The following DIMT1 variants were observed in gnomAD, a reference collection of about 807,000 sequenced individuals.
The protein encoded by DIMT1 is dimethyladenosine transferase.
DIMT1 carries 36 observed loss-of-function variants against 43.2 expected under a neutral mutation model. The ratio of observed to expected loss-of-function variants is 0.83; its 90% CI spans 0.64 to 1.10. The LOEUF is 1.10. DIMT1 is among the 50% of genes least tolerant of loss of function. DIMT1 has a pLI of 0.00. For synonymous variants in DIMT1, 126 were observed against 130.3 expected, an observed-to-expected ratio of 0.97 and a Z score of 0.22; for missense variants, 341 against 385.3, an observed-to-expected ratio of 0.88 and a Z score of 0.96.
chr5:62,389,127 A>G (rs1742173460), intron 11 of DIMT1, 75 bp from the exon 12 acceptor site: 15 of 1,233,120 alleles, frequency 1.2e-5, no homozygotes, highest in African/African-American at 1.5e-5. Flanking sequence ...GTTCTATACC[A>G]TTAATACTAA....
At chr5:62,403,167 T>C (rs1735762077) in intron 2 of DIMT1, 106 bp downstream of exon 2, 1 of 974,382 alleles carries the variant, frequency 1.0e-6, no homozygotes, top group Admixed American at 1.9e-5. Context: ...TCAACAAATA[T>C]TTACAGAGCA....
intron 3 of DIMT1, among the ~76,000 whole-genome samples, chr5:62,399,418 A>T (rs1742615362): frequency 6.6e-6 from 1 of 152,024 alleles, no homozygotes; most frequent in Admixed American, 6.6e-5. Context: ...GTGAGTCGAG[A>T]TCGCACCATT....
At chr5:62,394,118 T>C in intron 7 of DIMT1, 71 bp from the exon 8 acceptor site, 1 of 1,363,280 alleles carries the variant, frequency 7.3e-7, no homozygotes, top group Non-Finnish European at 1.0e-6. Flanking sequence ...TATGCTATCC[T>C]CACAGAAGGC....
chr5:62,389,962 A>G (rs1395252554), intron 11 of DIMT1, among the ~76,000 whole-genome samples: 1 of 152,226 alleles, frequency 6.6e-6, no homozygotes, highest in Non-Finnish European at 1.5e-5. Flanking sequence ...CAAAGTAGAT[A>G]TTTATGAATA....
intron 10 of DIMT1, chr5:62,391,826 G>A (rs1378172674): frequency 7.0e-7 from 1 of 1,434,602 alleles, no homozygotes; most frequent in Non-Finnish European, 9.1e-7. Context: ...CAATTCAGAG[G>A]ACAGTAAACT....
At position 62,387,717 on chromosome 5, in the gene DIMT1, T is replaced by C. The variant is rs570631381; in HGVS notation, c.*1293A>G. The C allele has an allele frequency of 6.6e-6, 1 of 152,204 alleles. No individual in the cohort carries two copies. Among genetic ancestry groups the C allele is most frequent in the East Asian group, 1.9e-4 (1 of 5,180 alleles). The allele number at this position is 152,204 out of a possible 1,614,324, so 9.4% of individuals were successfully genotyped here. ...GGATAGAGATGATACAAGTGAACTCTGCAAAATAGTTTTGTGAAATTAAAC... is the reference window on the plus strand; with the variant it reads ...GGATAGAGATGATACAAGTGAACTCCGCAAAATAGTTTTGTGAAATTAAAC... On this transcript the variant is annotated 3_prime_UTR_variant, in exon 12 of 12. Coordinates refer to ENST00000199320, the MANE Select transcript of DIMT1 (RefSeq NM_014473.4).
Position 62,401,965 on chromosome 5 carries a change from T to C in DIMT1, c.240+71A>G, listed in dbSNP as rs112083714. Reference sequence around the variant, plus strand: ...AATAATAGCAATTAGTTAAAACATATTTAGATTGTAAACCAACTGAGCTTG... The same window carrying C: ...AATAATAGCAATTAGTTAAAACATACTTAGATTGTAAACCAACTGAGCTTG... On this transcript the variant is annotated intron_variant, in intron 3 of 11. Coordinates refer to ENST00000199320, the MANE Select transcript of DIMT1 (RefSeq NM_014473.4). 7.3e-4 allele frequency: 1,045 copies of C among 1,431,250 alleles called. 12 individuals carry two copies. The African/African-American group carries it at 0.013, about 17-fold the overall frequency. The allele number at this position is 1,431,250 out of a possible 1,614,324, so 88.7% of individuals were successfully genotyped here.
chr5:62,400,192 G>A (rs903814396), intron 3 of DIMT1, among the ~76,000 whole-genome samples: 39 of 152,070 alleles, frequency 2.6e-4, no homozygotes, highest in Admixed American at 2.5e-3. Flanking sequence ...AAATAAGGCC[G>A]AAATTGAAAT....
rs1332922934 is a variant in DIMT1, at chr5:62,394,671, G to A, written c.447-64C>T. On this transcript the variant is annotated intron_variant, in intron 6 of 11. Transcript: ENST00000199320. ...TGTCAACTATAAATGAATTTTAACT[G>A]CAATGAATTTTCTTGGGAGAGAAAT... The A allele has an allele frequency of 3.1e-6, 5 of 1,599,660 alleles. No homozygotes were observed. The African/African-American group carries it at 6.7e-5, about 22-fold the overall frequency.
chr5:62,401,609 A>T (rs1223397459), intron 3 of DIMT1, among the ~76,000 whole-genome samples: 1 of 113,422 alleles, frequency 8.8e-6, no homozygotes, highest in Admixed American at 1.0e-4. Flanking sequence ...TTTGAGACAG[A>T]GTCTCACTCT....
intron 3 of DIMT1, among the ~76,000 whole-genome samples, chr5:62,400,907 C>T (rs1003749810): frequency 5.3e-5 from 8 of 151,062 alleles, no homozygotes; most frequent in Non-Finnish European, 1.2e-4. Context: ...TACAGTCAGG[C>T]ACCACCATGC....
intron 6 of DIMT1, among the ~76,000 whole-genome samples, chr5:62,397,654 T>G (rs1353144288): frequency 1.1e-5 from 1 of 90,186 alleles, no homozygotes; most frequent in Non-Finnish European, 2.6e-5. Context: ...CCCATAAACT[T>G]TTTTTTTTTT....
At chr5:62,402,240 T>C (rs1026103336) in intron 2 of DIMT1, 118 bp from the exon 3 acceptor site, 2 of 984,876 alleles carry the variant, frequency 2.0e-6, no homozygotes, top group Admixed American at 2.7e-5. Flanking sequence ...CTGACTCCAT[T>C]TTTAGATTTC....
rs574342594 is a variant in DIMT1 at position 62,394,400 on chromosome 5, C to T, written c.570+84G>A. 1.1e-5 allele frequency: 15 copies of T among 1,389,418 alleles called. No individual in the cohort carries two copies. The South Asian group carries it at 1.4e-4, about 13-fold the overall frequency. The allele number at this position is 1,389,418 out of a possible 1,614,324, so 86.1% of individuals were successfully genotyped here. A position where few individuals can be genotyped will look rare whatever the true frequency, so the allele number is the denominator to read the frequency against. On this transcript the variant is annotated intron_variant, in intron 7 of 11. Coordinates refer to ENST00000199320, the MANE Select transcript of DIMT1 (RefSeq NM_014473.4). Reference sequence around the variant, plus strand: ...TTGCTTGAGTATGGGAGGCAGAGATCGCAGTGAGCCACTGCACTGCAGCCT... The same window carrying T: ...TTGCTTGAGTATGGGAGGCAGAGATTGCAGTGAGCCACTGCACTGCAGCCT...
intron 3 of DIMT1, among the ~76,000 whole-genome samples, chr5:62,400,127 T>C (rs992358325): frequency 6.6e-6 from 1 of 152,212 alleles, no homozygotes; most frequent in Non-Finnish European, 1.5e-5. Flanking sequence ...TCACATCTAC[T>C]GAGATACACA....
At chr5:62,399,251 G>GAGCTATGAT (rs1251150770) in intron 3 of DIMT1, among the ~76,000 whole-genome samples, 24 of 152,358 alleles carry the variant, frequency 1.6e-4, no homozygotes, top group South Asian at 4.1e-4. Context: ...CAGATCACCT[G>GAGCTATGAT]AGGTCAGGAG....
intron 11 of DIMT1, among the ~76,000 whole-genome samples, chr5:62,389,601 G>A (rs908752604): frequency 6.6e-6 from 1 of 151,532 alleles, no homozygotes; most frequent in Admixed American, 6.6e-5. Flanking sequence ...TAATGAATTT[G>A]ACTAAAATTA....
At position 62,398,898 on chromosome 5, in the gene DIMT1, A is replaced by T. The variant is rs369999346; in HGVS notation, c.241-17T>A. The T allele has an allele frequency of 9.1e-5, 143 of 1,575,326 alleles. No homozygotes were observed. Among genetic ancestry groups the T allele is most frequent in the Non-Finnish European group, 1.2e-4 (136 of 1,156,690 alleles). ...AGCAACAACCTAATTTAAAAAAAAT[A>T]AAAATTATTTAGGTTAATTATGGAA... On this transcript the variant is annotated splice_polypyrimidine_tract_variant and intron_variant, in intron 3 of 11. Coordinates refer to ENST00000199320, the MANE Select transcript of DIMT1 (RefSeq NM_014473.4).
intron 3 of DIMT1, among the ~76,000 whole-genome samples, chr5:62,399,494 A>C (rs1742620905): frequency 6.6e-6 from 1 of 150,698 alleles, no homozygotes. Context: ...AACACAAAAT[A>C]TTAGCTGGGC....
Sources: allele counts gnomAD v4.1 joint callset (sites outside exome capture counted in the v4.1 genomes callset), GRCh38; gene constraint gnomAD v4.1.1; transcripts MANE v1.5; gene names NCBI Gene and HGNC (gene_info 2026-07-23, HGNC 2026-07-21).